EPHA6: variants seen among roughly 807,000 people sequenced by gnomAD.
The protein encoded by EPHA6 is EPH receptor A6.
EPHA6 carries 50 observed loss-of-function variants against 112.0 expected under a neutral mutation model. The observed-to-expected ratio is 0.45, with a 90% CI of 0.36 to 0.56. The LOEUF is 0.56. Ranked by LOEUF, EPHA6 falls within the 20% of genes least tolerant of loss-of-function variation. EPHA6 has a pLI of 0.00. For synonymous variants in EPHA6, 529 were observed against 490.7 expected (o/e 1.08, Z -1.03); for missense variants, 1,280 against 1,417.4 (o/e 0.90, Z 1.56).
intron 1 of EPHA6, among the ~76,000 whole-genome samples, chr3:96,852,263 C>T (rs1283445218): frequency 6.6e-6 from 1 of 151,786 alleles, no homozygotes; most frequent in Admixed American, 6.6e-5. Context: ...GGAGGCTGAC[C>T]TGGGCGGATC....
chr3:96,958,751 C>T (rs1292826437), intron 2 of EPHA6, among the ~76,000 whole-genome samples: 1 of 152,160 alleles, frequency 6.6e-6, no homozygotes, highest in Non-Finnish European at 1.5e-5. Context: ...TTGAGTCTGG[C>T]TCTTCCACTT....
rs139422621 is a variant in EPHA6, at chr3:96,932,434, A to C, written c.451-54896A>C. Among the ~76,000 whole-genome samples the C allele has an allele frequency of 6.4e-3, 980 of 152,080 alleles. 6 individuals carry two copies. The highest frequency in any genetic ancestry group is 0.021 in the African/African-American group (887 of 41,332). On this transcript the variant is annotated intron_variant, in intron 2 of 17. Transcript: ENST00000389672. ...ATTATTCAGCTTACCTTTTACATTT[A>C]CTTTACCAAAATCCTTTAAAAAGAG...
chr3:96,838,877 T>G (rs976768382), intron 1 of EPHA6, among the ~76,000 whole-genome samples: 2 of 152,108 alleles, frequency 1.3e-5, no homozygotes, highest in Admixed American at 1.3e-4. Flanking sequence ...ATATTTTTAT[T>G]GTAGCTCTAC....
intron 5 of EPHA6, among the ~76,000 whole-genome samples, chr3:97,324,405 T>TTTTCTTTTCTTTCTTTCTTTC (rs1461599434): frequency 1.9e-5 from 2 of 104,566 alleles, no homozygotes; most frequent in East Asian, 2.7e-4. Context: ...GCTTTCCTTC[T>TTTTCTTTTCTTTCTTTCTTTC]TTTCTTTCTT....
At chr3:96,956,077 G>T (rs757006468) in intron 2 of EPHA6, among the ~76,000 whole-genome samples, 1 of 150,866 alleles carries the variant, frequency 6.6e-6, no homozygotes, top group Non-Finnish European at 1.5e-5. Flanking sequence ...GTGTCAAAAG[G>T]TTGCTTAATT....
At chr3:97,107,610 C>A (rs936514041) in intron 3 of EPHA6, among the ~76,000 whole-genome samples, 1 of 152,058 alleles carries the variant, frequency 6.6e-6, no homozygotes, top group Admixed American at 6.6e-5. Context: ...ATGCTTGTCC[C>A]CTATACAAAG....
At chr3:97,417,260 G>A (rs1294426445) in intron 6 of EPHA6, among the ~76,000 whole-genome samples, 1 of 152,018 alleles carries the variant, frequency 6.6e-6, no homozygotes, top group Non-Finnish European at 1.5e-5. Flanking sequence ...CTCCATGTTG[G>A]GTTCTAAGTC....
chr3:97,333,889 T>C (rs995393971), intron 5 of EPHA6, among the ~76,000 whole-genome samples: 4 of 152,126 alleles, frequency 2.6e-5, no homozygotes, highest in African/African-American at 7.2e-5. Context: ...CCTGAACTTA[T>C]GGAGAAAGCA....
At chr3:96,920,499 G>T (rs184072439) in intron 2 of EPHA6, among the ~76,000 whole-genome samples, 8 of 151,998 alleles carry the variant, frequency 5.3e-5, no homozygotes, top group Non-Finnish European at 1.0e-4. Flanking sequence ...CTTAAAAGGT[G>T]ATGTCAAAAT....
intron 3 of EPHA6, among the ~76,000 whole-genome samples, chr3:97,013,748 G>T (rs2044169546): frequency 6.6e-6 from 1 of 151,952 alleles, no homozygotes; most frequent in Admixed American, 6.6e-5. Flanking sequence ...TTTTTATGAA[G>T]ATATTTCTAA....
intron 7 of EPHA6, among the ~76,000 whole-genome samples, chr3:97,474,307 G>T (rs1485484193): frequency 4.0e-5 from 6 of 151,726 alleles, no homozygotes; most frequent in Admixed American, 3.9e-4. Flanking sequence ...AAGATTAATA[G>T]ATATTATTTA....
At chr3:97,340,934 G>T (rs2083273169) in intron 5 of EPHA6, among the ~76,000 whole-genome samples, 1 of 152,114 alleles carries the variant, frequency 6.6e-6, no homozygotes, top group South Asian at 2.1e-4. Context: ...ACGATTTTGG[G>T]GCTGGGGGCA....
chr3:97,527,356 C>T (rs2092635819), intron 10 of EPHA6, among the ~76,000 whole-genome samples: 1 of 152,150 alleles, frequency 6.6e-6, no homozygotes. Flanking sequence ...GTTTCACAAC[C>T]TCATACCCCA....
At chr3:97,569,543 T>C (rs2093309730) in intron 11 of EPHA6, among the ~76,000 whole-genome samples, 1 of 152,188 alleles carries the variant, frequency 6.6e-6, no homozygotes, top group East Asian at 1.9e-4. Flanking sequence ...CAGGATATAA[T>C]AGTTCCTTCT....
rs981135020 is a variant in EPHA6 at position 96,978,764 on chromosome 3, A to G, written c.451-8566A>G. Among the ~76,000 whole-genome samples the G allele has an allele frequency of 5.9e-5, 9 of 152,222 alleles. No homozygotes were observed. In the South Asian group the frequency reaches 1.5e-3, roughly 25 times the overall value. On this transcript the variant is annotated intron_variant, in intron 2 of 17. Coordinates refer to ENST00000389672, the MANE Select transcript of EPHA6 (RefSeq NM_001080448.3). ...GTATTTGAGAAGAATAACATTTCCGATTACCTGTGTGTATTTTGTACTTCT... is the reference window on the plus strand; with the variant it reads ...GTATTTGAGAAGAATAACATTTCCGGTTACCTGTGTGTATTTTGTACTTCT...
chr3:97,176,106 C>T (rs556824047), intron 3 of EPHA6, among the ~76,000 whole-genome samples: 1 of 151,924 alleles, frequency 6.6e-6, no homozygotes, highest in South Asian at 2.1e-4. Context: ...GGATTTTTAT[C>T]ATGAAGTCAT....
At chr3:97,593,365 A>C (rs2093561672) in intron 12 of EPHA6, among the ~76,000 whole-genome samples, 1 of 152,196 alleles carries the variant, frequency 6.6e-6, no homozygotes, top group African/African-American at 2.4e-5. Flanking sequence ...GCATGATTGT[A>C]ATTACAATTT....
chr3:96,972,115 A>T (rs1252977030), intron 2 of EPHA6, among the ~76,000 whole-genome samples: 1 of 152,110 alleles, frequency 6.6e-6, no homozygotes, highest in Admixed American at 6.6e-5. Context: ...AGCTAATTTA[A>T]AAACGCATTT....
chr3:97,389,832 A>G (rs1219537480), intron 5 of EPHA6, among the ~76,000 whole-genome samples: 2 of 152,182 alleles, frequency 1.3e-5, no homozygotes, highest in African/African-American at 4.8e-5. Flanking sequence ...TGTTTAACAA[A>G]GATGTCACAA....
Sources: allele counts gnomAD v4.1 joint callset (sites outside exome capture counted in the v4.1 genomes callset), GRCh38; gene constraint gnomAD v4.1.1; transcripts MANE v1.5; gene names NCBI Gene and HGNC (gene_info 2026-07-23, HGNC 2026-07-21).